The following RRM2 variants were observed in gnomAD, a reference collection of about 807,000 sequenced individuals.
RRM2 encodes the protein ribonucleoside-diphosphate reductase subunit M2.
A neutral mutation model predicts 45.9 loss-of-function variants in RRM2; 6 were observed. The ratio of observed to expected loss-of-function variants is 0.13; its 90% CI spans 0.07 to 0.26. The LOEUF is 0.26. Ranked by LOEUF, RRM2 falls within the 10% of genes least tolerant of loss-of-function variation. The probability of loss-of-function intolerance (pLI) is 1.00; values close to 1 mark genes in which losing one functional copy is unlikely to be tolerated. For missense variants in RRM2, 343 were observed against 489.5 expected, an observed-to-expected ratio of 0.70 and a Z score of 2.82; for synonymous variants, 177 against 173.0, an observed-to-expected ratio of 1.02 and a Z score of -0.18.
rs780774257 is a variant in RRM2 at position 10,149,030 on chromosome 2, T to C, written n.482+6655T>C. The stretch of plus-strand genomic sequence containing the variant: ...TCATGACTTTGAAGATACGATGTTT[T>C]TCCTTCTTTCTCCAGCTCTGTCAGC... On this transcript the variant is annotated intron_variant and non_coding_transcript_variant, in intron 3 of 3. Transcript: ENST00000381786. Among the ~76,000 whole-genome samples, 26 of 152,226 alleles carry C rather than the reference T, an allele frequency of 1.7e-4. 1 individual carries two copies. Among genetic ancestry groups the C allele is most frequent in the Middle Eastern group, 3.2e-3 (1 of 316 alleles).
chr2:10,169,630 C>T lies in RRM2; in HGVS notation n.482+27255C>T, dbSNP rs1049717886. 6.6e-6 allele frequency among the ~76,000 whole-genome samples: 1 copy of T among 152,178 alleles called. No homozygotes were observed. Among genetic ancestry groups the T allele is most frequent in the African/African-American group, 2.4e-5 (1 of 41,438 alleles). ...GAAGACGGCGGCTGCTCCTTGGAAG[C>T]TGGCAGGCACGGCCACAGAATATGC... On this transcript the variant is annotated intron_variant and non_coding_transcript_variant, in intron 3 of 3. Coordinates refer to the RRM2 transcript ENST00000381786. This position sits in a 1 kb window ranked among gnomAD's most constrained non-coding sequence, Gnocchi z 5.1.
At chr2:10,165,392 C>A (rs1430222877) in intron 3 of RRM2, among the ~76,000 whole-genome samples, 1 of 152,156 alleles carries the variant, frequency 6.6e-6, no homozygotes, top group Non-Finnish European at 1.5e-5. Flanking sequence ...CATGTGGGGA[C>A]CTCCCATTAG....
chr2:10,164,226 G>A (rs1181081420), intron 3 of RRM2, among the ~76,000 whole-genome samples: 2 of 152,148 alleles, frequency 1.3e-5, no homozygotes, highest in Non-Finnish European at 2.9e-5. Flanking sequence ...AGAGTGTTAT[G>A]ACAGAGAACC....
chr2:10,133,650 G>A (rs1662940841), downstream of RRM2, among the ~76,000 whole-genome samples: 1 of 151,988 alleles, frequency 6.6e-6, no homozygotes, highest in Non-Finnish European at 1.5e-5. Context: ...ACACAGAAGG[G>A]AACACATCAG....
In RRM2 at chr2:10,199,687, G is replaced by A. The variant is rs1020438275; in HGVS notation, n.483-10624G>A. Among the ~76,000 whole-genome samples the A allele has an allele frequency of 8.7e-5, 13 of 148,736 alleles. 1 individual carries two copies. The highest frequency in any genetic ancestry group is 2.5e-4 in the African/African-American group (10 of 40,452). ...CCCAGCTACTCGGGAGGCTGAGGCGGGAGAATGGCGTGAACCCAGAAGGTG... is the reference window on the plus strand; with the variant it reads ...CCCAGCTACTCGGGAGGCTGAGGCGAGAGAATGGCGTGAACCCAGAAGGTG... On this transcript the variant is annotated intron_variant and non_coding_transcript_variant, in intron 3 of 3. Transcript: ENST00000381786.
chr2:10,148,437 G>T (rs1363711413), intron 3 of RRM2, among the ~76,000 whole-genome samples: 1 of 152,068 alleles, frequency 6.6e-6, no homozygotes, highest in Non-Finnish European at 1.5e-5. Context: ...GTTCAAAAAG[G>T]TTTCTAGTCT....
chr2:10,132,364 C>T (rs912580334), downstream of RRM2, among the ~76,000 whole-genome samples: 1 of 152,064 alleles, frequency 6.6e-6, no homozygotes, highest in Non-Finnish European at 1.5e-5. Context: ...GTGGGGGCAG[C>T]AGAGAATTCT....
chr2:10,138,563 C>T (rs1043494708), upstream of RRM2, among the ~76,000 whole-genome samples: 9 of 152,040 alleles, frequency 5.9e-5, no homozygotes, highest in African/African-American at 9.7e-5. Flanking sequence ...TTGGCCTCCC[C>T]GTGTTGGGAT....
chr2:10,200,541 GTCCCACA>G lies in RRM2; in HGVS notation n.483-9769_483-9763del, dbSNP rs1664538288. ...CAGGGACTGCGCGCACAAATTATGA[GTCCCACA>G]GGGACCGCGCGCGCAAAATATGAGG... On this transcript the variant is annotated intron_variant and non_coding_transcript_variant, in intron 3 of 3. Transcript: ENST00000381786. Among the ~76,000 whole-genome samples the G allele has an allele frequency of 1.3e-3, 9 of 7,152 alleles. 3 individuals are homozygous for G. Among genetic ancestry groups the G allele is most frequent in the Non-Finnish European group, 1.2e-3 (4 of 3,384 alleles). The allele number at this position is 7,152 out of a possible 152,430, so 4.7% of individuals were successfully genotyped here. A position where few individuals can be genotyped will look rare whatever the true frequency, so the allele number is the denominator to read the frequency against.
intron 3 of RRM2, among the ~76,000 whole-genome samples, chr2:10,145,365 A>G (rs1053044837): frequency 6.6e-6 from 1 of 152,218 alleles, no homozygotes; most frequent in African/African-American, 2.4e-5. Flanking sequence ...CCTAGTGTGC[A>G]CACTCGCAGC....
At chr2:10,177,991 G>C (rs12476357) in intron 3 of RRM2, among the ~76,000 whole-genome samples, 15 of 149,486 alleles carry the variant, frequency 1.0e-4, no homozygotes, top group Middle Eastern at 3.2e-3. Context: ...GCGCGATCTC[G>C]GCTCACTGCA....
intron 3 of RRM2, among the ~76,000 whole-genome samples, chr2:10,194,586 C>T (rs1664374968): frequency 6.6e-6 from 1 of 152,260 alleles, no homozygotes; most frequent in Non-Finnish European, 1.5e-5. Flanking sequence ...GTGTCCATTT[C>T]CCCAACCACC....
chr2:10,165,878 C>T (rs1362700536), intron 3 of RRM2, among the ~76,000 whole-genome samples: 1 of 152,212 alleles, frequency 6.6e-6, no homozygotes, highest in Non-Finnish European at 1.5e-5. Context: ...GTGGTGACTC[C>T]GTACAGTGCT....
At chr2:10,166,668 C>T (rs1663689523) in intron 3 of RRM2, among the ~76,000 whole-genome samples, 1 of 152,252 alleles carries the variant, frequency 6.6e-6, no homozygotes, top group Non-Finnish European at 1.5e-5. Flanking sequence ...GGGATCAAGG[C>T]TCAGCCTGTT....
At position 10,122,751 on chromosome 2, in the gene RRM2, C is replaced by T. The variant is rs1222760966; in HGVS notation, c.-48C>T. The stretch of plus-strand genomic sequence containing the variant: ...TGAGGGGTCGCCCGTGCACCCTGTC[C>T]CAGCCGTCCTGTCCTGGCTGCTCGC... On this transcript the variant is annotated 5_prime_UTR_variant, in exon 1 of 10. Coordinates refer to ENST00000304567, the MANE Select transcript of RRM2 (RefSeq NM_001034.4). The T allele has an allele frequency of 6.4e-7, 1 of 1,556,946 alleles. No homozygotes were observed. The highest frequency in any genetic ancestry group is 8.7e-7 in the Non-Finnish European group (1 of 1,150,402).
At chr2:10,135,580 A>G (rs899025281), downstream of RRM2, among the ~76,000 whole-genome samples, 2 of 152,180 alleles carry the variant, frequency 1.3e-5, no homozygotes, top group Non-Finnish European at 2.9e-5. Flanking sequence ...GATGCAGCAG[A>G]GAACAAGTCA....
intron 3 of RRM2, among the ~76,000 whole-genome samples, chr2:10,194,293 C>T (rs1198424610): frequency 1.3e-5 from 2 of 152,160 alleles, no homozygotes; most frequent in East Asian, 1.9e-4. Flanking sequence ...TAAGCAAAGG[C>T]GGTGGTGTGA....
At chr2:10,166,230 C>T (rs895135178) in intron 3 of RRM2, among the ~76,000 whole-genome samples, 1 of 152,204 alleles carries the variant, frequency 6.6e-6, no homozygotes, top group African/African-American at 2.4e-5. Context: ...ATTAAAATGA[C>T]TCCTCTAAAT....
chr2:10,123,156 C>T, intron 2 of RRM2, 99 bp downstream of exon 2: 1 of 1,391,582 alleles, frequency 7.2e-7, no homozygotes. Context: ...CCCGCCCCGG[C>T]TCCTTTCCCG....
Sources: allele counts gnomAD v4.1 joint callset (sites outside exome capture counted in the v4.1 genomes callset), GRCh38; gene constraint gnomAD v4.1.1; non-coding constraint Gnocchi (gnomAD v3.1); transcripts MANE v1.5; gene names NCBI Gene and HGNC (gene_info 2026-07-23, HGNC 2026-07-21).